The following LRRC4C variants were observed in gnomAD, a reference collection of about 807,000 sequenced individuals.
LRRC4C encodes leucine-rich repeat-containing protein 4C.
In LRRC4C, 5 loss-of-function variants were observed where a neutral mutation model predicts 33.6. The observed-to-expected ratio is 0.15, with a 90% CI of 0.08 to 0.31. LRRC4C has a LOEUF of 0.31. Among genes scored for constraint, LRRC4C ranks in the 10% least tolerant of loss-of-function variants. The pLI, the probability that LRRC4C is intolerant of heterozygous loss-of-function variation, is 1.00. For synonymous variants in LRRC4C, 329 were observed against 302.0 expected (o/e 1.09, Z -0.93); for missense variants, 560 against 796.7 (o/e 0.70, Z 3.58).
chr11:40,152,328 C>T (rs1044704618), intron 5 of LRRC4C, among the ~76,000 whole-genome samples: 2 of 152,180 alleles, frequency 1.3e-5, no homozygotes, highest in Non-Finnish European at 2.9e-5. Flanking sequence ...GCAGCCCATT[C>T]CTGCCTGGCA....
chr11:41,443,047 T>C (rs1159151486), intron 1 of LRRC4C, among the ~76,000 whole-genome samples: 1 of 150,760 alleles, frequency 6.6e-6, no homozygotes, highest in Non-Finnish European at 1.5e-5. Context: ...AGACCCCTTC[T>C]AGTTATTTAT....
chr11:40,236,641 C>T (rs537065485), intron 5 of LRRC4C, among the ~76,000 whole-genome samples: 2 of 152,210 alleles, frequency 1.3e-5, no homozygotes, highest in East Asian at 3.9e-4. Flanking sequence ...GCACCCCCCT[C>T]CCCCAGCTCT....
intron 2 of LRRC4C, among the ~76,000 whole-genome samples, chr11:40,818,000 T>C (rs187839922): frequency 1.3e-5 from 2 of 152,226 alleles, no homozygotes; most frequent in Non-Finnish European, 1.5e-5. Context: ...TGTTTGTTTG[T>C]TTTTCCCTGA....
intron 1 of LRRC4C, among the ~76,000 whole-genome samples, chr11:41,359,351 G>A (rs1245727568): frequency 1.3e-5 from 2 of 152,076 alleles, no homozygotes; most frequent in Admixed American, 6.5e-5. Flanking sequence ...CGCTTTAGGT[G>A]ATAATGATGT....
chr11:40,717,558 T>C (rs1298675445), intron 2 of LRRC4C, among the ~76,000 whole-genome samples: 2 of 152,138 alleles, frequency 1.3e-5, no homozygotes, highest in African/African-American at 4.8e-5. Context: ...AACATGGGGT[T>C]CTTTTTTTGG....
At chr11:40,370,158 G>C (rs75657745) in intron 3 of LRRC4C, among the ~76,000 whole-genome samples, 3,207 of 152,220 alleles carry the variant, frequency 0.021, 103 homozygotes, top group African/African-American at 0.073. Flanking sequence ...ATCTAGGCCT[G>C]AGGGACCCAC....
chr11:40,631,974 A>T (rs1963516229), intron 3 of LRRC4C, among the ~76,000 whole-genome samples: 1 of 152,204 alleles, frequency 6.6e-6, no homozygotes, highest in South Asian at 2.1e-4. Flanking sequence ...TATGACATTC[A>T]CTTGAAGCAG....
chr11:40,743,314 A>C (rs926204239), intron 2 of LRRC4C, among the ~76,000 whole-genome samples: 1 of 152,032 alleles, frequency 6.6e-6, no homozygotes, highest in Non-Finnish European at 1.5e-5. Flanking sequence ...TCCCCTCTGT[A>C]TTAGTTTTCT....
intron 3 of LRRC4C, among the ~76,000 whole-genome samples, chr11:40,642,141 T>C (rs957885254): frequency 2.0e-5 from 3 of 152,066 alleles, no homozygotes; most frequent in Non-Finnish European, 4.4e-5. Context: ...TATGAAGCTA[T>C]TGCACTTGAC....
chr11:40,733,926 T>A (rs1721365545), intron 2 of LRRC4C, among the ~76,000 whole-genome samples: 1 of 152,092 alleles, frequency 6.6e-6, no homozygotes, highest in African/African-American at 2.4e-5. Flanking sequence ...TCAGAATAGG[T>A]GGGTTTGGAG....
intron 1 of LRRC4C, among the ~76,000 whole-genome samples, chr11:41,192,305 C>A (rs566771316): frequency 6.8e-6 from 1 of 146,870 alleles, no homozygotes; most frequent in Non-Finnish European, 1.5e-5. Flanking sequence ...TATTGTCTGG[C>A]ATACAGCATG....
chr11:40,343,180 A>G (rs1162202348), intron 3 of LRRC4C, among the ~76,000 whole-genome samples: 1 of 152,134 alleles, frequency 6.6e-6, no homozygotes, highest in African/African-American at 2.4e-5. Flanking sequence ...CAGCTTATAC[A>G]TATACTTTGA....
intron 3 of LRRC4C, among the ~76,000 whole-genome samples, chr11:40,550,832 G>A (rs1229155890): frequency 6.6e-6 from 1 of 151,810 alleles, no homozygotes; most frequent in East Asian, 1.9e-4. Flanking sequence ...CCTAAGAGAA[G>A]CCTAACCTGC....
intron 2 of LRRC4C, among the ~76,000 whole-genome samples, chr11:40,727,724 C>T (rs745660828): frequency 2.0e-5 from 3 of 152,050 alleles, no homozygotes; most frequent in Non-Finnish European, 2.9e-5. Flanking sequence ...ACATATAACC[C>T]TATTACAAGC....
At chr11:40,800,139 G>GT (rs1267559373) in intron 2 of LRRC4C, among the ~76,000 whole-genome samples, 2 of 152,154 alleles carry the variant, frequency 1.3e-5, no homozygotes, top group African/African-American at 2.4e-5. Context: ...TTTTGTTTAA[G>GT]TTTTTTAGTT....
intron 1 of LRRC4C, among the ~76,000 whole-genome samples, chr11:41,033,124 A>G (rs868137478): frequency 3.9e-5 from 6 of 151,980 alleles, no homozygotes; most frequent in Admixed American, 6.6e-5. Context: ...CGGAGAATCT[A>G]TGAGAGTGAG....
At chr11:41,352,644 A>C (rs549301254) in intron 1 of LRRC4C, among the ~76,000 whole-genome samples, 1 of 152,142 alleles carries the variant, frequency 6.6e-6, no homozygotes, top group South Asian at 2.1e-4. Context: ...AAAAGTTAAA[A>C]AAATAAAATA....
At chr11:40,214,042 T>C (rs1383902596) in intron 5 of LRRC4C, among the ~76,000 whole-genome samples, 1 of 152,186 alleles carries the variant, frequency 6.6e-6, no homozygotes, top group Non-Finnish European at 1.5e-5. Flanking sequence ...CTCAGATCTG[T>C]CTTACTCCAT....
intron 3 of LRRC4C, among the ~76,000 whole-genome samples, chr11:40,344,961 T>C (rs1947056281): frequency 6.6e-6 from 1 of 152,058 alleles, no homozygotes; most frequent in African/African-American, 2.4e-5. Context: ...ATAAAAGATA[T>C]CTACAATAAG....
Sources: gnomAD v4.1 joint callset for allele counts (sites outside exome capture counted in the v4.1 genomes callset) on GRCh38, gnomAD v4.1.1 for gene constraint, MANE v1.5 for transcripts, NCBI Gene and HGNC (gene_info 2026-07-23, HGNC 2026-07-21) for gene names.